The following CSMD1 variants were observed in gnomAD, a reference collection of about 807,000 sequenced individuals.
CSMD1 encodes CUB and sushi domain-containing protein 1.
In CSMD1, 213 loss-of-function variants were observed where a neutral mutation model predicts 417.5. The ratio of observed to expected loss-of-function variants is 0.51; its 90% CI spans 0.46 to 0.57. The LOEUF is 0.57. Ranked by LOEUF, CSMD1 falls within the 20% of genes least tolerant of loss-of-function variation. The pLI is 0.00. For synonymous variants in CSMD1, 2,862 were observed against 1,736.8 expected (o/e 1.65, Z -16.11); for missense variants, 6,923 against 4,529.7 (o/e 1.53, Z -15.17).
intron 29 of CSMD1, among the ~76,000 whole-genome samples, chr8:3,217,668 G>A (rs997493953): frequency 1.4e-4 from 22 of 152,044 alleles, no homozygotes; most frequent in South Asian, 2.1e-4. Flanking sequence ...TAAACGTGAC[G>A]GATCCCATCT....
intron 1 of CSMD1, among the ~76,000 whole-genome samples, chr8:4,719,300 C>A (rs1181882605): frequency 6.6e-6 from 1 of 152,138 alleles, no homozygotes; most frequent in South Asian, 2.1e-4. Flanking sequence ...ATAAATGAAG[C>A]CTAATAAGAA....
chr8:3,269,205 A>G (rs1194807974), intron 26 of CSMD1, among the ~76,000 whole-genome samples: 1 of 152,240 alleles, frequency 6.6e-6, no homozygotes, highest in Non-Finnish European at 1.5e-5. Flanking sequence ...GGAAAGCTGA[A>G]TGCAGCTGTC....
chr8:4,349,939 A>G (rs946393559), intron 3 of CSMD1, among the ~76,000 whole-genome samples: 4 of 152,070 alleles, frequency 2.6e-5, no homozygotes, highest in African/African-American at 9.7e-5. Context: ...ATACTGCCAA[A>G]CTTTAACAAA....
At chr8:3,027,700 T>G (rs1313832165) in intron 51 of CSMD1, among the ~76,000 whole-genome samples, 4 of 152,020 alleles carry the variant, frequency 2.6e-5, no homozygotes, top group Admixed American at 1.3e-4. Flanking sequence ...TGATAAATGA[T>G]GTGTGGGGGT....
chr8:3,151,736 T>C (rs541344976), intron 39 of CSMD1, among the ~76,000 whole-genome samples: 2 of 152,164 alleles, frequency 1.3e-5, no homozygotes, highest in Non-Finnish European at 1.5e-5. Context: ...TTTTTCAAGA[T>C]CCATCTTCTC....
intron 35 of CSMD1, among the ~76,000 whole-genome samples, chr8:3,188,429 C>T (rs2129050213): frequency 6.7e-6 from 1 of 150,268 alleles, no homozygotes; most frequent in African/African-American, 2.4e-5. Context: ...GCCTCAGCCT[C>T]CCTAGCAGCT....
At chr8:4,197,890 GA>G (rs1427453287) in intron 3 of CSMD1, among the ~76,000 whole-genome samples, 5 of 151,832 alleles carry the variant, frequency 3.3e-5, no homozygotes, top group African/African-American at 1.2e-4. Context: ...AAGTTAAGAA[GA>G]AAAAAAGCTT....
chr8:4,785,120 G>C (rs1164500805), intron 1 of CSMD1, among the ~76,000 whole-genome samples: 1 of 152,166 alleles, frequency 6.6e-6, no homozygotes, highest in Non-Finnish European at 1.5e-5. Flanking sequence ...TCTTTCAGGA[G>C]AATTTTTAAA....
intron 5 of CSMD1, among the ~76,000 whole-genome samples, chr8:3,806,418 A>G (rs6998283): frequency 0.36 from 54,979 of 152,134 alleles, 10,678 homozygotes; most frequent in Admixed American, 0.44. Context: ...GCCCTCAAGC[A>G]TCCTGATACG....
intron 3 of CSMD1, among the ~76,000 whole-genome samples, chr8:4,261,491 A>G (rs997187102): frequency 6.6e-6 from 1 of 152,230 alleles, no homozygotes; most frequent in Non-Finnish European, 1.5e-5. Flanking sequence ...AATGTACAGC[A>G]TGGTTACTTT....
chr8:3,784,826 G>A (rs536632996), intron 5 of CSMD1, among the ~76,000 whole-genome samples: 43 of 152,210 alleles, frequency 2.8e-4, no homozygotes, highest in African/African-American at 1.0e-3. Flanking sequence ...CACCATTTCC[G>A]CTGATTTTCA....
At chr8:3,793,594 C>A (rs571769082) in intron 5 of CSMD1, among the ~76,000 whole-genome samples, 1 of 152,200 alleles carries the variant, frequency 6.6e-6, no homozygotes, top group East Asian at 1.9e-4. Flanking sequence ...ATACATGCCT[C>A]TCTTGCAGTA....
chr8:4,148,125 T>C (rs1359155774), intron 3 of CSMD1, among the ~76,000 whole-genome samples: 3 of 152,144 alleles, frequency 2.0e-5, no homozygotes, highest in African/African-American at 7.2e-5. Context: ...GCGCGTGACA[T>C]GCTCTGGGTG....
chr8:4,060,798 AG>A (rs985584690), intron 3 of CSMD1, among the ~76,000 whole-genome samples: 1 of 152,188 alleles, frequency 6.6e-6, no homozygotes, highest in African/African-American at 2.4e-5. Context: ...GATTAAAAAA[AG>A]GTAGGAATGG....
rs527439131 is a variant in CSMD1, at chr8:4,312,148, C to T, written c.415+107805G>A. On this transcript the variant is annotated intron_variant, in intron 3 of 69. Coordinates refer to ENST00000635120, the MANE Select transcript of CSMD1 (RefSeq NM_033225.6). ...TAAAAATCAAAATATATTATCTTTA[C>T]ACACGCTTCCTACGTGCATTTAGTC... 2.1e-4 allele frequency among the ~76,000 whole-genome samples: 32 copies of T among 152,008 alleles called. No individual in the cohort carries two copies. The South Asian group carries it at 6.6e-3, about 32-fold the overall frequency.
intron 1 of CSMD1, among the ~76,000 whole-genome samples, chr8:4,896,741 T>C (rs961299762): frequency 1.3e-5 from 2 of 151,934 alleles, no homozygotes; most frequent in Non-Finnish European, 2.9e-5. Context: ...GTCCTCCGAT[T>C]CTAAGCAAGA....
At chr8:3,502,507 G>C (rs571714598) in intron 10 of CSMD1, among the ~76,000 whole-genome samples, 3 of 152,110 alleles carry the variant, frequency 2.0e-5, no homozygotes, top group Non-Finnish European at 2.9e-5. Flanking sequence ...GGTATATCCA[G>C]ACAGTGGAAT....
chr8:4,727,834 A>G lies in CSMD1; in HGVS notation c.86-90276T>C, dbSNP rs367981822. On this transcript the variant is annotated intron_variant, in intron 1 of 69. Coordinates refer to ENST00000635120, the MANE Select transcript of CSMD1 (RefSeq NM_033225.6). Reference sequence around the variant, plus strand: ...ACATGTATATGTTTGGGATATATATATCTATTATATATACATATTGGATAT... The same window carrying G: ...ACATGTATATGTTTGGGATATATATGTCTATTATATATACATATTGGATAT... Among the ~76,000 whole-genome samples, 222 of 150,146 alleles carry G rather than the reference A, an allele frequency of 1.5e-3. 7 individuals carry two copies. In the South Asian group the frequency reaches 0.041, roughly 27 times the overall value.
intron 1 of CSMD1, among the ~76,000 whole-genome samples, chr8:4,970,736 C>T (rs1459174048): frequency 1.3e-5 from 2 of 152,078 alleles, no homozygotes; most frequent in Non-Finnish European, 2.9e-5. Flanking sequence ...AGCAAGTGTG[C>T]CTGCCGTGGT....
Sources: allele counts gnomAD v4.1 joint callset (sites outside exome capture counted in the v4.1 genomes callset), GRCh38; gene constraint gnomAD v4.1.1; transcripts MANE v1.5; gene names NCBI Gene and HGNC (gene_info 2026-07-23, HGNC 2026-07-21).